The following MPV17 variants were observed in gnomAD, a reference collection of about 807,000 sequenced individuals.
MPV17 encodes mitochondrial inner membrane protein MPV17.
Under a neutral mutation model 28.6 loss-of-function variants are expected in MPV17, and 31 were observed. The ratio of observed to expected loss-of-function variants is 1.08; its 90% CI spans 0.81 to 1.46. MPV17 has a LOEUF of 1.46. Among genes scored for constraint, MPV17 ranks in the 40% most tolerant of loss-of-function variants. The pLI is 0.00. For synonymous variants in MPV17, 87 were observed against 85.3 expected, an observed-to-expected ratio of 1.02 and a Z score of -0.11; for missense variants, 198 against 216.2, an observed-to-expected ratio of 0.92 and a Z score of 0.53.
chr2:27,318,908 G>A (rs1679755665), intron 2 of MPV17, among the ~76,000 whole-genome samples: 2 of 151,308 alleles, frequency 1.3e-5, no homozygotes, highest in Non-Finnish European at 2.9e-5. Context: ...GGGATTACAG[G>A]CACCCGCCAC....
chr2:27,322,910 A>T, intron 1 of MPV17, 142 bp downstream of exon 1: 1 of 326,826 alleles, frequency 3.1e-6, no homozygotes, highest in Non-Finnish European at 5.9e-6. Context: ...CTTGGTTGGA[A>T]CCAGTTTGTA....
chr2:27,322,985 C>T (rs534111364), intron 1 of MPV17, 67 bp downstream of exon 1: 1 of 204,330 alleles, frequency 4.9e-6, no homozygotes, highest in Admixed American at 5.3e-5. Context: ...AGGATGACCA[C>T]ACACCTTGTG....
chr2:27,313,814 C>G (rs1422737225), intron 2 of MPV17, among the ~76,000 whole-genome samples: 1 of 152,136 alleles, frequency 6.6e-6, no homozygotes, highest in African/African-American at 2.4e-5. Context: ...CCGATTCAAG[C>G]GATTCCCCTG....
At chr2:27,313,381 A>T in intron 2 of MPV17, 1 of 654,556 alleles carries the variant, frequency 1.5e-6, no homozygotes, top group South Asian at 1.9e-5. Flanking sequence ...TCAGAGTCAG[A>T]AAGTATAGAG....
chr2:27,312,638 C>T (rs2148215718), intron 4 of MPV17, 42 bp downstream of exon 4: 1 of 1,612,884 alleles, frequency 6.2e-7, no homozygotes, highest in Middle Eastern at 1.6e-4. Context: ...CCCCACCTAC[C>T]CCCAACACAG....
At position 27,315,926 on chromosome 2, in the gene MPV17, C is replaced by G. The variant is rs1204445192; in HGVS notation, c.71-2817G>C. 2.8e-6 allele frequency: 4 copies of G among 1,444,846 alleles called. No individual in the cohort carries two copies. In the African/African-American group the frequency reaches 4.3e-5, roughly 16 times the overall value. The allele number at this position is 1,444,846 out of a possible 1,614,324, so 89.5% of individuals were successfully genotyped here. A position where few individuals can be genotyped will look rare whatever the true frequency, so the allele number is the denominator to read the frequency against. On this transcript the variant is annotated intron_variant, in intron 2 of 7. Transcript: ENST00000380044. ...GACTTGGTAAGGAGTGCAGTTGGAA[C>G]TGAACCCAGGCCTTCTCTCAAGGAG...
intron 7 of MPV17, 100 bp from the exon 8 acceptor site, chr2:27,310,081 G>A: frequency 2.2e-6 from 2 of 922,742 alleles, no homozygotes; most frequent in Non-Finnish European, 3.6e-6. Flanking sequence ...TCATGACAAA[G>A]GATTGGCAGG....
chr2:27,322,426 C>T, intron 2 of MPV17, 22 bp downstream of exon 2: 1 of 1,608,472 alleles, frequency 6.2e-7, no homozygotes, highest in East Asian at 2.2e-5. Context: ...TGGTCCCACT[C>T]AAGTCCTAGA....
In MPV17 at chr2:27,322,529, A is replaced by T. The variant is rs1202932195; in HGVS notation, c.-5-7T>A. The T allele has an allele frequency of 6.2e-7, 1 of 1,613,550 alleles. No individual in the cohort carries two copies. The highest frequency in any genetic ancestry group is 1.3e-5 in the African/African-American group (1 of 75,046). On this transcript the variant is annotated splice_region_variant and splice_polypyrimidine_tract_variant and intron_variant, in intron 1 of 7. Coordinates refer to ENST00000380044, the MANE Select transcript of MPV17 (RefSeq NM_002437.5). ...CGCCAGAGTGCCATGCTTCCTGTCA[A>T]GCCAAGAGGAGAGGGGGTCACCCCC...
intron 7 of MPV17, 174 bp downstream of exon 7, chr2:27,311,725 C>T (rs760986307): frequency 7.7e-6 from 12 of 1,551,896 alleles, no homozygotes; most frequent in East Asian, 2.4e-5. Flanking sequence ...GGACAGTTTC[C>T]GGAAATGGCA....
chr2:27,313,124 C>T lies in MPV17; in HGVS notation c.71-15G>A, dbSNP rs564378436. The T allele has an allele frequency of 1.9e-6, 3 of 1,614,124 alleles. No individual in the cohort carries two copies. Among genetic ancestry groups the T allele is most frequent in the African/African-American group, 2.7e-5 (2 of 75,046 alleles). On this transcript the variant is annotated splice_polypyrimidine_tract_variant and intron_variant, in intron 2 of 7. Coordinates refer to ENST00000380044, the MANE Select transcript of MPV17 (RefSeq NM_002437.5). ...CATCAGGGACCCTATGCAGGGTACA[C>T]AGGTGTTGTCAGGACATCTCCTGGG...
At chr2:27,322,852 A>C (rs978277161) in intron 1 of MPV17, among the ~76,000 whole-genome samples, 200 bp downstream of exon 1, 2 of 152,300 alleles carry the variant, frequency 1.3e-5, no homozygotes, top group African/African-American at 4.8e-5. Flanking sequence ...GCTTCTACCC[A>C]GAGCTTGGGT....
chr2:27,312,846 C>T, intron 3 of MPV17, 74 bp from the exon 4 acceptor site: 1 of 1,555,898 alleles, frequency 6.4e-7, no homozygotes, highest in Non-Finnish European at 8.9e-7. Context: ...AGCTCCCTGC[C>T]CCAAGTATCA....
intron 2 of MPV17, among the ~76,000 whole-genome samples, chr2:27,314,367 T>C (rs1019074933): frequency 2.0e-5 from 3 of 152,124 alleles, no homozygotes; most frequent in Non-Finnish European, 4.4e-5. Context: ...CAAATGGTCA[T>C]AAGCAGGAAG....
intron 2 of MPV17, chr2:27,316,156 C>T (rs1425308604): frequency 2.6e-6 from 4 of 1,551,204 alleles, no homozygotes; most frequent in Admixed American, 2.0e-5. Flanking sequence ...TGCTCCTTGT[C>T]ACCTCGTGGG....
At chr2:27,320,240 GA>G (rs893382884) in intron 2 of MPV17, among the ~76,000 whole-genome samples, 49 of 132,544 alleles carry the variant, frequency 3.7e-4, no homozygotes, top group Admixed American at 3.8e-4. Context: ...CCATCTCGAA[GA>G]AAAAAAAAAA....
At position 27,322,481 on chromosome 2, in the gene MPV17, C is replaced by G. The variant is rs1679896510; in HGVS notation, c.37G>C (p.Ala13Pro). 1.9e-6 allele frequency: 3 copies of G among 1,614,034 alleles called. No individual in the cohort carries two copies. Among genetic ancestry groups the G allele is most frequent in the Non-Finnish European group, 2.5e-6 (3 of 1,180,030 alleles). Residue 13 changes from alanine to proline, a missense_variant, in exon 2 of 8, where the codon GCT (alanine) becomes CCT (proline). Coordinates refer to ENST00000380044, the MANE Select transcript of MPV17 (RefSeq NM_002437.5). ...LWRAYQRALA[A>P]HPWKVQVLTA... ...AGGACCTGTACTTTCCACGGGTGAGCGGCCAGGGCCCGCTGGTATGCCCGC... is the reference window on the plus strand; with the variant it reads ...AGGACCTGTACTTTCCACGGGTGAGGGGCCAGGGCCCGCTGGTATGCCCGC...
At chr2:27,319,980 G>T (rs972653860) in intron 2 of MPV17, among the ~76,000 whole-genome samples, 1 of 150,688 alleles carries the variant, frequency 6.6e-6, no homozygotes, top group African/African-American at 2.4e-5. Flanking sequence ...GCTCACACCT[G>T]TAACCCCAGC....
rs551875613 is a variant in MPV17 at position 27,312,071 on chromosome 2, C to G, written c.409-120G>C. 1.7e-5 allele frequency: 25 copies of G among 1,467,060 alleles called. No individual in the cohort carries two copies. The African/African-American group carries it at 3.3e-4, about 20-fold the overall frequency. The allele number at this position is 1,467,060 out of a possible 1,614,324, so 90.9% of individuals were successfully genotyped here. A position where few individuals can be genotyped will look rare whatever the true frequency, so the allele number is the denominator to read the frequency against. On this transcript the variant is annotated intron_variant, in intron 6 of 7. Transcript: ENST00000380044. ...AAAAAGGTGAACAGTTGGGTGATGG[C>G]TTCCCTATTTATGGTGCCCATCCTG...
Sources: allele counts gnomAD v4.1 joint callset (sites outside exome capture counted in the v4.1 genomes callset), GRCh38; gene constraint gnomAD v4.1.1; transcripts MANE v1.5; gene names NCBI Gene and HGNC (gene_info 2026-07-23, HGNC 2026-07-21).